The following MYH13 variants were observed in gnomAD, a reference collection of about 807,000 sequenced individuals.
MYH13 encodes the protein myosin-13.
In MYH13, 177 loss-of-function variants were observed where a neutral mutation model predicts 232.1. The observed-to-expected ratio is 0.76, with a 90% confidence interval of 0.67 to 0.86. The LOEUF (loss-of-function observed/expected upper bound fraction) is 0.86. MYH13 is among the 40% of genes least tolerant of loss of function. MYH13 has a pLI of 0.00. For missense variants in MYH13, 2,246 were observed against 2,405.9 expected (o/e 0.93, Z 1.39); for synonymous variants, 884 against 923.5 (o/e 0.96, Z 0.78).
At chr17:10,312,228 C>T (rs879315758) in intron 31 of MYH13, among the ~76,000 whole-genome samples, 152 bp from the exon 32 acceptor site, 6 of 152,126 alleles carry the variant, frequency 3.9e-5, no homozygotes, top group African/African-American at 1.2e-4. Context: ...GATCAGGGAC[C>T]CCAAACTGTG....
chr17:10,340,044 G>A (rs1475944724), intron 18 of MYH13, 106 bp downstream of exon 18: 4 of 933,118 alleles, frequency 4.3e-6, no homozygotes. Context: ...ACTTTCAGAA[G>A]TGATACAGAC....
intron 1 of MYH13, among the ~76,000 whole-genome samples, chr17:10,372,072 G>A (rs1036433839): frequency 6.6e-6 from 1 of 152,100 alleles, no homozygotes; most frequent in African/African-American, 2.4e-5. Flanking sequence ...CTTAGGATTT[G>A]GTTTACTATC....
At chr17:10,330,583 T>C in intron 20 of MYH13, 60 bp from the exon 21 acceptor site, 2 of 1,549,022 alleles carry the variant, frequency 1.3e-6, no homozygotes, top group South Asian at 1.2e-5. Flanking sequence ...AGCCGGGCCC[T>C]TGAGGGGGCC....
Position 10,340,159 on chromosome 17 carries a change from T to G in MYH13, c.2047A>C (p.Lys683Gln). The change falls in exon 18 of 41, where the codon AAG becomes CAG. Residue 683 changes from lysine (K) to glutamine (Q), a missense_variant. Coordinates refer to ENST00000252172, the MANE Select transcript of MYH13 (RefSeq NM_003802.3). ...ATCTGCTGGTACTCACCAGGAGTCTTGGTCTCATTGGGAATCAGACATCGT... is the reference window on the plus strand; with the variant it reads ...ATCTGCTGGTACTCACCAGGAGTCTGGGTCTCATTGGGAATCAGACATCGT... ...FVRCLIPNET[K>Q]TPGVMDHYLV... 1 of 1,613,144 alleles carries G rather than the reference T, an allele frequency of 6.2e-7. No individual in the cohort carries two copies. Among genetic ancestry groups the G allele is most frequent in the Non-Finnish European group, 8.5e-7 (1 of 1,179,278 alleles).
intron 22 of MYH13, 105 bp from the exon 23 acceptor site, chr17:10,324,369 A>G: frequency 2.1e-6 from 3 of 1,416,744 alleles, no homozygotes; most frequent in Non-Finnish European, 2.9e-6. Flanking sequence ...AAGCCAAGAA[A>G]TGGGTCATGC....
chr17:10,332,975 A>G (rs1383709275), intron 19 of MYH13, 99 bp downstream of exon 19: 3 of 943,666 alleles, frequency 3.2e-6, no homozygotes, highest in Non-Finnish European at 3.3e-6. Context: ...ACTCTGGGGG[A>G]CTTGGGAGCT....
At chr17:10,357,691 G>A in intron 8 of MYH13, 44 bp downstream of exon 8, 1 of 1,559,364 alleles carries the variant, frequency 6.4e-7, no homozygotes, top group Non-Finnish European at 8.8e-7. Context: ...TTCAGGAGAG[G>A]GTATGCTTTT....
chr17:10,336,713 C>T (rs1236756915), intron 18 of MYH13, among the ~76,000 whole-genome samples: 1 of 152,182 alleles, frequency 6.6e-6, no homozygotes, highest in Non-Finnish European at 1.5e-5. Flanking sequence ...GAGAAAGTCC[C>T]TACATTTTGA....
At chr17:10,350,780 T>C (rs755497104) in intron 11 of MYH13, 86 bp from the exon 12 acceptor site, 1 of 1,540,930 alleles carries the variant, frequency 6.5e-7, no homozygotes, top group Non-Finnish European at 8.9e-7. Context: ...ACCTCTTTTT[T>C]GTATAGCATA....
chr17:10,348,000 C>T (rs1312356011), intron 12 of MYH13, among the ~76,000 whole-genome samples: 4 of 152,028 alleles, frequency 2.6e-5, no homozygotes, highest in Middle Eastern at 3.2e-3. Flanking sequence ...TGTGAGCCAC[C>T]TTGCCCAGCC....
At chr17:10,353,927 G>GGAAA (rs1189268955) in intron 11 of MYH13, among the ~76,000 whole-genome samples, 2 of 125,498 alleles carry the variant, frequency 1.6e-5, no homozygotes, top group Non-Finnish European at 3.5e-5. Context: ...GAGGAAGGAA[G>GGAAA]GAAAGAAGGA....
In MYH13 at chr17:10,353,731, G is replaced by T. The variant is rs555749449; in HGVS notation, c.1005+949C>A. ...AATACACACACACAAAATTAGCCAGGCATGGTGGTGCATGCCTTGTAGTTC... is the reference window on the plus strand; with the variant it reads ...AATACACACACACAAAATTAGCCAGTCATGGTGGTGCATGCCTTGTAGTTC... On this transcript the variant is annotated intron_variant, in intron 11 of 40. Transcript: ENST00000252172. 1.4e-3 allele frequency among the ~76,000 whole-genome samples: 208 copies of T among 152,178 alleles called. 2 individuals carry two copies. The highest frequency in any genetic ancestry group is 4.9e-3 in the African/African-American group (202 of 41,516).
At chr17:10,315,171 C>T (rs1430310704) in intron 29 of MYH13, among the ~76,000 whole-genome samples, 6 of 152,144 alleles carry the variant, frequency 3.9e-5, no homozygotes, top group Admixed American at 6.5e-5. Flanking sequence ...CAGAGGAGGC[C>T]AGGGGATGGA....
chr17:10,372,956 A>G (rs961901331), intron 1 of MYH13, 23 bp downstream of exon 1: 1 of 152,134 alleles, frequency 6.6e-6, no homozygotes, highest in Non-Finnish European at 1.5e-5. Context: ...GGAGCAAAAA[A>G]GTGAGCACTT....
rs376251517 is a variant in MYH13 at position 10,301,687 on chromosome 17, G to C, written c.5684C>G (p.Thr1895Arg). 1 of 1,613,588 alleles carries C rather than the reference G, an allele frequency of 6.2e-7. No homozygotes were observed. The highest frequency in any genetic ancestry group is 8.5e-7 in the Non-Finnish European group (1 of 1,179,988). Residue 1895 changes from threonine (T) to arginine (R), a missense_variant, in exon 40 of 41, where the codon ACG becomes AGG. Transcript: ENST00000252172. ...GACTCTCCGGCATCTGGACAGCTGCGTGTTGGCCTGCTCCTCCTGCACAGG... is the reference window on the plus strand; with the variant it reads ...GACTCTCCGGCATCTGGACAGCTGCCTGTTGGCCTGCTCCTCCTGCACAGG... ...QAEEAEEQAN[T>R]QLSRCRRVQH...
In MYH13 at chr17:10,332,080, C is replaced by T. The variant is rs1363876394; in HGVS notation, c.2298+19G>A. The T allele has an allele frequency of 6.2e-7, 1 of 1,613,158 alleles. No individual in the cohort carries two copies. Among genetic ancestry groups the T allele is most frequent in the African/African-American group, 1.3e-5 (1 of 74,908 alleles). ...GGCTGTGGGGTTACTAGGGGAGTCC[C>T]AGCCTTGCCTGTGCTCACCTTGGTG... is the stretch of plus-strand genomic sequence containing the variant. On this transcript the variant is annotated intron_variant, in intron 20 of 40. Transcript: ENST00000252172.
chr17:10,331,365 C>T lies in MYH13; in HGVS notation c.2298+734G>A, dbSNP rs911938128. ...TTTCTGAGATGTGGATCTTTGGAGG[C>T]AGGCCAGGATTTGAAGCTGACCTTT... On this transcript the variant is annotated intron_variant, in intron 20 of 40. Coordinates refer to ENST00000252172, the MANE Select transcript of MYH13 (RefSeq NM_003802.3). Among the ~76,000 whole-genome samples, 4 of 152,172 alleles carry T rather than the reference C, an allele frequency of 2.6e-5. No individual in the cohort carries two copies. In the South Asian group the frequency reaches 8.3e-4, roughly 32 times the overall value.
intron 18 of MYH13, 66 bp from the exon 19 acceptor site, chr17:10,333,257 C>T: frequency 7.3e-6 from 8 of 1,099,556 alleles, no homozygotes; most frequent in Non-Finnish European, 1.1e-5. Context: ...GTCTGAGGCA[C>T]CATGAGACCC....
Position 10,345,305 on chromosome 17 carries a change from T to G in MYH13, c.1481A>C (p.His494Pro). The G allele has an allele frequency of 1.2e-6, 2 of 1,614,124 alleles. No individual in the cohort carries two copies. Residue 494 changes from histidine (H) to proline (P), a missense_variant, in exon 15 of 41, where the codon CAC (histidine) becomes CCC (proline). His to Pro is a moderately conservative substitution (Grantham distance 77, BLOSUM62 -2). Transcript: ENST00000252172. ...CTCTTCCTGCTCCAGCACGAACATG[T>G]GGTGGTTGAAAAACTGTTGCAGTTT... Reference protein sequence around the residue: ...NEKLQQFFNHHMFVLEQEEYK... With the variant: ...NEKLQQFFNHPMFVLEQEEYK...
Sources: allele counts gnomAD v4.1 joint callset (sites outside exome capture counted in the v4.1 genomes callset), GRCh38; gene constraint gnomAD v4.1.1; transcripts MANE v1.5; gene names NCBI Gene and HGNC (gene_info 2026-07-23, HGNC 2026-07-21).